The following POC1B variants were observed in gnomAD, a reference collection of about 807,000 sequenced individuals.
POC1B encodes POC1 centriolar protein B, also known as POC1 centriolar protein homolog B.
A neutral mutation model predicts 60.6 loss-of-function variants in POC1B; 44 were observed. The observed-to-expected ratio is 0.73, with a 90% CI of 0.57 to 0.93. The LOEUF (loss-of-function observed/expected upper bound fraction) is 0.93. Among genes scored for constraint, POC1B ranks in the 40% least tolerant of loss-of-function variants. The pLI, the probability that POC1B is intolerant of heterozygous loss-of-function variation, is 0.00. For synonymous variants in POC1B, 180 were observed against 198.9 expected, an observed-to-expected ratio of 0.90 and a Z score of 0.80; for missense variants, 555 against 572.3, an observed-to-expected ratio of 0.97 and a Z score of 0.31.
At chr12:89,524,110 G>A (rs770415782) in intron 2 of POC1B, 4 of 1,613,986 alleles carry the variant, frequency 2.5e-6, no homozygotes. Flanking sequence ...AGTCGACCAG[G>A]CTTCGTTATA....
the POC1B span, among the ~76,000 whole-genome samples, chr12:89,412,872 C>A: frequency 4.7e-5 from 7 of 150,244 alleles, no homozygotes; most frequent in East Asian, 1.2e-3. Context: ...CCCTTCCTTC[C>A]TCCCTTCCTT....
intron 2 of POC1B, among the ~76,000 whole-genome samples, chr12:89,519,050 A>T (rs1017180987): frequency 2.6e-5 from 4 of 152,118 alleles, no homozygotes; most frequent in African/African-American, 9.7e-5. Flanking sequence ...GGACCGGGGA[A>T]ATATGAGGAT....
At chr12:89,405,541 T>C in the POC1B span, among the ~76,000 whole-genome samples, 4 of 152,194 alleles carry the variant, frequency 2.6e-5, no homozygotes, top group Admixed American at 1.3e-4. Flanking sequence ...CTCCAGATAA[T>C]ACATTTAAAT....
chr12:89,525,377 T>G, intron 1 of POC1B, 173 bp from the exon 2 acceptor site: 1 of 1,400,796 alleles, frequency 7.1e-7, no homozygotes, highest in Non-Finnish European at 9.2e-7. Context: ...CGCCCAGTCC[T>G]GCTACAGGGA....
chr12:89,441,726 C>T (rs574183680), intron 10 of POC1B, among the ~76,000 whole-genome samples: 7 of 152,326 alleles, frequency 4.6e-5, no homozygotes, highest in East Asian at 3.9e-4. Context: ...TCCAAAGGAA[C>T]GCAGCTCCTC....
At chr12:89,429,369 T>C (rs1310710478) in intron 10 of POC1B, 1 of 152,154 alleles carries the variant, frequency 6.6e-6, no homozygotes, top group East Asian at 1.9e-4. Flanking sequence ...ATCCTGTTTG[T>C]ACAGGAGAAA....
At chr12:89,513,485 G>A (rs906599033) in intron 2 of POC1B, among the ~76,000 whole-genome samples, 2 of 152,158 alleles carry the variant, frequency 1.3e-5, no homozygotes, top group African/African-American at 4.8e-5. Context: ...TTAAAATTAT[G>A]TAATTTTCAA....
intron 7 of POC1B, 68 bp downstream of exon 7, chr12:89,470,293 T>C (rs753951260): frequency 1.3e-4 from 117 of 910,622 alleles, no homozygotes; most frequent in Non-Finnish European, 1.6e-4. Flanking sequence ...TAAAAATGGA[T>C]CAGAAATTTA....
chr12:89,524,093 G>A, intron 2 of POC1B: 8 of 1,613,976 alleles, frequency 5.0e-6, no homozygotes, highest in East Asian at 2.2e-5. Context: ...TGAATGGTAC[G>A]GAGCAAAGTC....
chr12:89,401,514 A>AT, the POC1B span, among the ~76,000 whole-genome samples: 1 of 144,018 alleles, frequency 6.9e-6, no homozygotes, highest in East Asian at 2.0e-4. Flanking sequence ...CCACGATTAG[A>AT]TTTTTCTTTT....
At chr12:89,482,323 G>T (rs1868393374) in intron 4 of POC1B, among the ~76,000 whole-genome samples, 1 of 151,994 alleles carries the variant, frequency 6.6e-6, no homozygotes, top group African/African-American at 2.4e-5. Context: ...TATGAACAAA[G>T]CCTCAAAAAA....
chr12:89,485,008 CA>C (rs1463253176), intron 4 of POC1B, among the ~76,000 whole-genome samples: 4 of 152,190 alleles, frequency 2.6e-5, no homozygotes, highest in African/African-American at 9.7e-5. Context: ...CCTGACTTGG[CA>C]AAAGAAGAAG....
chr12:89,486,916 G>GACACACAC (rs60433981), intron 4 of POC1B, among the ~76,000 whole-genome samples: 6 of 148,676 alleles, frequency 4.0e-5, no homozygotes, highest in Admixed American at 2.0e-4. Context: ...CACACACACA[G>GACACACAC]ACACACACAC....
intron 2 of POC1B, chr12:89,501,538 C>T (rs185052007): frequency 1.3e-5 from 15 of 1,131,472 alleles, no homozygotes; most frequent in African/African-American, 1.3e-4. Context: ...AATACAGATG[C>T]CACCTGTGGG....
At chr12:89,413,323 G>A in the POC1B span, among the ~76,000 whole-genome samples, 17 of 151,940 alleles carry the variant, frequency 1.1e-4, no homozygotes, top group East Asian at 2.1e-3. Flanking sequence ...CCCCTGCCTC[G>A]GCCTCCCAAG....
At chr12:89,435,335 C>T (rs1259550388) in intron 10 of POC1B, among the ~76,000 whole-genome samples, 2 of 152,054 alleles carry the variant, frequency 1.3e-5, no homozygotes, top group Non-Finnish European at 2.9e-5. Flanking sequence ...TGCACACCAC[C>T]ACACCCAGCT....
intron 9 of POC1B, among the ~76,000 whole-genome samples, chr12:89,462,263 A>G (rs1171962429): frequency 6.6e-6 from 1 of 152,206 alleles, no homozygotes; most frequent in East Asian, 1.9e-4. Context: ...ACTCTCAGGA[A>G]TACTAACAGT....
chr12:89,508,966 T>C (rs1022165857), intron 2 of POC1B, among the ~76,000 whole-genome samples: 4 of 152,342 alleles, frequency 2.6e-5, no homozygotes, highest in African/African-American at 9.6e-5. Context: ...CGGTTCTTTA[T>C]AGAAGTGTGT....
chr12:89,524,561 G>A (rs1397487564), intron 2 of POC1B: 7 of 1,610,212 alleles, frequency 4.3e-6, no homozygotes, highest in Non-Finnish European at 5.9e-6. Flanking sequence ...CGGATTCTCA[G>A]GGCTGAGGCG....
Sources: allele counts gnomAD v4.1 joint callset (sites outside exome capture counted in the v4.1 genomes callset), GRCh38; gene constraint gnomAD v4.1.1; transcripts MANE v1.5; gene names NCBI Gene and HGNC (gene_info 2026-07-23, HGNC 2026-07-21).